The following MEGF11 variants were observed in gnomAD, a reference collection of about 807,000 sequenced individuals.
The protein encoded by MEGF11 is multiple EGF like domains 11.
Under a neutral mutation model 146.6 loss-of-function variants are expected in MEGF11, and 126 were observed. The ratio of observed to expected loss-of-function variants is 0.86; its 90% CI spans 0.74 to 1.00. The LOEUF (loss-of-function observed/expected upper bound fraction) is 1.00. Ranked by LOEUF, MEGF11 falls within the 50% of genes least tolerant of loss-of-function variation. The pLI, the probability that MEGF11 is intolerant of heterozygous loss-of-function variation, is 0.00. For synonymous variants in MEGF11, 532 were observed against 583.4 expected (o/e 0.91, Z 1.27); for missense variants, 1,509 against 1,521.2 (o/e 0.99, Z 0.13).
At chr15:66,182,726 T>A (rs2090585437) in intron 1 of MEGF11, among the ~76,000 whole-genome samples, 1 of 152,228 alleles carries the variant, frequency 6.6e-6, no homozygotes. Flanking sequence ...ATCTTCTGCC[T>A]GACAGTTTGC....
intron 1 of MEGF11, among the ~76,000 whole-genome samples, chr15:66,158,853 A>G (rs1182813537): frequency 1.3e-5 from 2 of 152,174 alleles, no homozygotes; most frequent in African/African-American, 4.8e-5. Flanking sequence ...CAGGCCAGAC[A>G]ACCAGCATCC....
At chr15:66,084,342 C>T (rs895707480) in intron 5 of MEGF11, among the ~76,000 whole-genome samples, 8 of 152,126 alleles carry the variant, frequency 5.3e-5, no homozygotes, top group Non-Finnish European at 8.8e-5. Flanking sequence ...ATTGCAGCCC[C>T]GGACAATGCG....
At chr15:65,915,386 A>C in intron 19 of MEGF11, 84 bp downstream of exon 19, 1 of 1,520,512 alleles carries the variant, frequency 6.6e-7, no homozygotes, top group Non-Finnish European at 8.9e-7. Flanking sequence ...GTATCATCAA[A>C]TCCAGCTGTT....
At chr15:66,003,518 C>G (rs1437426939) in intron 5 of MEGF11, among the ~76,000 whole-genome samples, 1 of 152,062 alleles carries the variant, frequency 6.6e-6, no homozygotes, top group African/African-American at 2.4e-5. Flanking sequence ...GTTGCCTTAT[C>G]TGCCAAGCAA....
chr15:66,180,916 A>G (rs2090527839), intron 1 of MEGF11, among the ~76,000 whole-genome samples: 1 of 152,202 alleles, frequency 6.6e-6, no homozygotes, highest in African/African-American at 2.4e-5. Context: ...TGTGCCCACA[A>G]CAGAAGAGCC....
intron 10 of MEGF11, among the ~76,000 whole-genome samples, chr15:65,948,353 C>T (rs569668737): frequency 6.6e-6 from 1 of 152,160 alleles, no homozygotes; most frequent in South Asian, 2.1e-4. Flanking sequence ...CCTGAGCATT[C>T]TTCCAGCTCC....
At chr15:66,201,565 T>A (rs1028931864) in intron 1 of MEGF11, among the ~76,000 whole-genome samples, 2 of 151,694 alleles carry the variant, frequency 1.3e-5, no homozygotes, top group Non-Finnish European at 2.9e-5. Flanking sequence ...AAGGAAAGTG[T>A]AACAAAAGAA....
chr15:66,202,967 C>T (rs770142041), intron 1 of MEGF11, among the ~76,000 whole-genome samples: 2 of 152,168 alleles, frequency 1.3e-5, no homozygotes, highest in African/African-American at 4.8e-5. Context: ...GGCTGTAAGA[C>T]GGGTGCTATT....
intron 1 of MEGF11, among the ~76,000 whole-genome samples, chr15:66,226,633 T>G (rs1404547882): frequency 6.6e-6 from 1 of 152,228 alleles, no homozygotes; most frequent in East Asian, 1.9e-4. Context: ...TTATCAGTTA[T>G]TGTTAATCTC....
rs1348088301 is a variant in MEGF11, at chr15:65,915,608, A to G, written c.2345-10T>C. 6.2e-7 allele frequency: 1 copy of G among 1,613,534 alleles called. No individual in the cohort carries two copies. The highest frequency in any genetic ancestry group is 1.7e-5 in the Admixed American group (1 of 59,980). On this transcript the variant is annotated splice_polypyrimidine_tract_variant and intron_variant, in intron 18 of 25. Coordinates refer to ENST00000395614, the MANE Select transcript of MEGF11 (RefSeq NM_001385028.1). The stretch of plus-strand genomic sequence containing the variant: ...GTTCCTGGGGCACATCCTGTGTGGC[A>G]CAAAGAGTTAGGGTAGAGGACCCAC...
intron 5 of MEGF11, among the ~76,000 whole-genome samples, chr15:66,047,468 G>A (rs2084256108): frequency 6.6e-6 from 1 of 152,064 alleles, no homozygotes; most frequent in Non-Finnish European, 1.5e-5. Context: ...TTGTATTAAG[G>A]ATCAAATGAA....
intron 1 of MEGF11, among the ~76,000 whole-genome samples, chr15:66,224,583 C>A (rs1474737850): frequency 6.9e-6 from 1 of 145,418 alleles, no homozygotes; most frequent in Non-Finnish European, 1.5e-5. Context: ...GACTCTGTCT[C>A]AAAAATATAT....
intron 1 of MEGF11, among the ~76,000 whole-genome samples, chr15:66,180,629 G>A (rs2090520475): frequency 6.6e-6 from 1 of 152,214 alleles, no homozygotes; most frequent in East Asian, 1.9e-4. Context: ...AGAAAAAAAG[G>A]AGCATGAAGG....
chr15:66,007,621 G>A (rs983416905), intron 5 of MEGF11, among the ~76,000 whole-genome samples: 14 of 152,150 alleles, frequency 9.2e-5, no homozygotes, highest in Non-Finnish European at 1.8e-4. Context: ...ATGGTGGTAC[G>A]TGCTCGTGGT....
At chr15:66,129,252 T>A (rs2088537209) in intron 1 of MEGF11, among the ~76,000 whole-genome samples, 1 of 152,236 alleles carries the variant, frequency 6.6e-6, no homozygotes, top group South Asian at 2.1e-4. Context: ...GGTTCCTTCC[T>A]GTCCTGGCAC....
intron 10 of MEGF11, among the ~76,000 whole-genome samples, chr15:65,935,054 C>A (rs2079720135): frequency 6.6e-6 from 1 of 152,130 alleles, no homozygotes; most frequent in Admixed American, 6.5e-5. Flanking sequence ...GGCGTGATGG[C>A]TCAGGCCTGT....
At chr15:66,128,148 C>T (rs2088464628) in intron 2 of MEGF11, among the ~76,000 whole-genome samples, 158 bp downstream of exon 2, 1 of 152,210 alleles carries the variant, frequency 6.6e-6, no homozygotes. Context: ...AGAATCTACA[C>T]ATCTCTGTCC....
chr15:65,984,207 C>T (rs1454873031), intron 5 of MEGF11, among the ~76,000 whole-genome samples: 3 of 152,132 alleles, frequency 2.0e-5, no homozygotes, highest in Non-Finnish European at 4.4e-5. Flanking sequence ...TCCATTTATG[C>T]TACAGCCTCC....
intron 3 of MEGF11, among the ~76,000 whole-genome samples, chr15:66,120,763 C>A (rs572727585): frequency 6.6e-6 from 1 of 152,314 alleles, no homozygotes; most frequent in African/African-American, 2.4e-5. Context: ...TTGTATAAGC[C>A]TCTCAGGTAA....
Sources: gnomAD v4.1 joint callset for allele counts (sites outside exome capture counted in the v4.1 genomes callset) on GRCh38, gnomAD v4.1.1 for gene constraint, MANE v1.5 for transcripts, NCBI Gene and HGNC (gene_info 2026-07-23, HGNC 2026-07-21) for gene names.